The following PCGF5 variants were observed in gnomAD, a reference collection of about 807,000 sequenced individuals.
The protein encoded by PCGF5 is polycomb group ring finger 5.
Under a neutral mutation model 44.3 loss-of-function variants are expected in PCGF5, and 9 were observed. The ratio of observed to expected loss-of-function variants is 0.20; its 90% confidence interval spans 0.12 to 0.35. PCGF5 has a LOEUF of 0.35. Among genes scored for constraint, PCGF5 ranks in the 10% least tolerant of loss-of-function variants. PCGF5 has a pLI of 1.00. For missense variants in PCGF5, 146 were observed against 305.3 expected, an observed-to-expected ratio of 0.48 and a Z score of 3.89; for synonymous variants, 95 against 102.5, an observed-to-expected ratio of 0.93 and a Z score of 0.44.
upstream of PCGF5, among the ~76,000 whole-genome samples, chr10:91,219,314 AG>A (rs1473055745): frequency 6.6e-6 from 1 of 152,208 alleles, no homozygotes; most frequent in Non-Finnish European, 1.5e-5. Context: ...ATCACATTTA[AG>A]CCCCCTGGAC....
At chr10:91,230,581 A>AT (rs1239347807) in intron 2 of PCGF5, among the ~76,000 whole-genome samples, 18 of 152,244 alleles carry the variant, frequency 1.2e-4, no homozygotes, top group Admixed American at 1.0e-3. Flanking sequence ...CAAATGATCA[A>AT]TGTTATATTT....
chr10:91,233,445 C>T (rs1214375937), intron 2 of PCGF5, among the ~76,000 whole-genome samples: 1 of 152,086 alleles, frequency 6.6e-6, no homozygotes, highest in East Asian at 1.9e-4. Flanking sequence ...GTGTTGTACT[C>T]GGTAGAAGAA....
intron 8 of PCGF5, among the ~76,000 whole-genome samples, chr10:91,266,399 G>C (rs570299526): frequency 1.3e-5 from 2 of 152,216 alleles, no homozygotes; most frequent in African/African-American, 4.8e-5. Flanking sequence ...TTTTTAGTAA[G>C]AGACTATGAT....
At chr10:91,248,468 TTCA>T in intron 3 of PCGF5, 34 bp from the exon 4 acceptor site, 1 of 1,551,254 alleles carries the variant, frequency 6.4e-7, no homozygotes, top group East Asian at 2.2e-5. Flanking sequence ...TCTTGGTGTC[TTCA>T]TTGTTAGTAT....
intron 6 of PCGF5, among the ~76,000 whole-genome samples, chr10:91,252,365 A>G (rs1845641355): frequency 6.6e-6 from 1 of 152,144 alleles, no homozygotes; most frequent in Middle Eastern, 3.4e-3. Flanking sequence ...AGTGAAAAAC[A>G]ATTTTTCACT....
At chr10:91,230,525 C>T (rs1049645648) in intron 2 of PCGF5, among the ~76,000 whole-genome samples, 1 of 152,044 alleles carries the variant, frequency 6.6e-6, no homozygotes, top group Non-Finnish European at 1.5e-5. Flanking sequence ...TTCATATATA[C>T]ATATATGAAT....
chr10:91,254,166 G>T (rs1845689531), intron 6 of PCGF5, among the ~76,000 whole-genome samples: 1 of 151,406 alleles, frequency 6.6e-6, no homozygotes. Flanking sequence ...CTTTATGTAT[G>T]TGTTCGTTCT....
chr10:91,261,276 A>G, intron 6 of PCGF5, 50 bp from the exon 7 acceptor site: 3 of 1,411,322 alleles, frequency 2.1e-6, no homozygotes, highest in Non-Finnish European at 2.8e-6. Context: ...AGCAAGATAG[A>G]ACATTTTAAC....
chr10:91,240,668 G>T (rs754138103), intron 3 of PCGF5, 88 bp downstream of exon 3: 13 of 791,678 alleles, frequency 1.6e-5, no homozygotes, highest in Non-Finnish European at 2.0e-5. Context: ...ATTTCATGTT[G>T]TCTTGACTCA....
In PCGF5 at chr10:91,282,747, C is replaced by G. The variant is rs1256188524; in HGVS notation, c.*4431C>G. The G allele has an allele frequency of 2.0e-5, 3 of 152,530 alleles. No homozygotes were observed. The highest frequency in any genetic ancestry group is 4.4e-5 in the Non-Finnish European group (3 of 68,022). The allele number at this position is 152,530 out of a possible 1,614,324, so 9.4% of individuals were successfully genotyped here. A position where few individuals can be genotyped will look rare whatever the true frequency, so the allele number is the denominator to read the frequency against. ...GTGAAAATGGATGCACACTCTATTACATACTCTGGTTTATCATAAGGAATT... is the reference window on the plus strand; with the variant it reads ...GTGAAAATGGATGCACACTCTATTAGATACTCTGGTTTATCATAAGGAATT... On this transcript the variant is annotated 3_prime_UTR_variant, in exon 10 of 10. Coordinates refer to ENST00000336126, the MANE Select transcript of PCGF5 (RefSeq NM_032373.5).
intron 1 of PCGF5, among the ~76,000 whole-genome samples, chr10:91,172,947 T>G (rs1589348373): frequency 6.6e-6 from 1 of 152,234 alleles, no homozygotes; most frequent in East Asian, 1.9e-4. Context: ...CATAAAATGT[T>G]AAAGGAACCC....
chr10:91,212,665 G>T (rs747701270), intron 1 of PCGF5, among the ~76,000 whole-genome samples: 8 of 152,150 alleles, frequency 5.3e-5, no homozygotes, highest in African/African-American at 1.7e-4. Flanking sequence ...CTTCTATAAC[G>T]CATGCCCACT....
chr10:91,185,329 C>T (rs1843901033), intron 1 of PCGF5, among the ~76,000 whole-genome samples: 1 of 152,212 alleles, frequency 6.6e-6, no homozygotes, highest in Non-Finnish European at 1.5e-5. Flanking sequence ...CTGGGGGATC[C>T]CTTCTGCCCC....
chr10:91,220,081 TTTTG>T (rs1844626492), upstream of PCGF5: 1 of 152,084 alleles, frequency 6.6e-6, no homozygotes, highest in Non-Finnish European at 1.5e-5. Flanking sequence ...AGTACTGGGT[TTTTG>T]TTTGTTTTGA....
At chr10:91,179,348 T>G (rs976311991) in intron 1 of PCGF5, among the ~76,000 whole-genome samples, 7 of 152,208 alleles carry the variant, frequency 4.6e-5, no homozygotes, top group Admixed American at 3.9e-4. Flanking sequence ...AAAATTAATC[T>G]TTTAAAAATT....
upstream of PCGF5, among the ~76,000 whole-genome samples, chr10:91,218,054 T>C (rs1209735327): frequency 2.0e-5 from 3 of 152,246 alleles, no homozygotes; most frequent in Non-Finnish European, 4.4e-5. Flanking sequence ...CCCAAAGTGC[T>C]GGGATTACAG....
At chr10:91,275,593 A>T (rs1461496102) in intron 9 of PCGF5, among the ~76,000 whole-genome samples, 1 of 149,106 alleles carries the variant, frequency 6.7e-6, no homozygotes, top group Non-Finnish European at 1.5e-5. Flanking sequence ...GGCATGCGCC[A>T]CCATGCCCGG....
chr10:91,165,576 C>T (rs2133156732), intron 1 of PCGF5, among the ~76,000 whole-genome samples: 1 of 152,274 alleles, frequency 6.6e-6, no homozygotes, highest in East Asian at 1.9e-4. Flanking sequence ...TAGCCTCAAC[C>T]TCCCAGGCTC....
At chr10:91,216,094 G>A (rs760799357), upstream of PCGF5, among the ~76,000 whole-genome samples, 30 of 152,206 alleles carry the variant, frequency 2.0e-4, no homozygotes, top group Non-Finnish European at 3.7e-4. Context: ...GCATAGCCAA[G>A]CAGTGGATCC....
Sources: gnomAD v4.1 joint callset for allele counts (sites outside exome capture counted in the v4.1 genomes callset) on GRCh38, gnomAD v4.1.1 for gene constraint, MANE v1.5 for transcripts, NCBI Gene and HGNC (gene_info 2026-07-23, HGNC 2026-07-21) for gene names.